CNKSR3: variants seen among roughly 807,000 people sequenced by gnomAD.
CNKSR3 encodes CNKSR family member 3, also known as connector enhancer of kinase suppressor of ras 3.
CNKSR3 carries 36 observed loss-of-function variants against 67.7 expected under a neutral mutation model. The observed-to-expected ratio is 0.53, with a 90% confidence interval of 0.41 to 0.70. The LOEUF is 0.70. Ranked by LOEUF, CNKSR3 falls within the 30% of genes least tolerant of loss-of-function variation. The probability of loss-of-function intolerance (pLI) is 0.00; values close to 1 mark genes in which losing one functional copy is unlikely to be tolerated. For missense variants in CNKSR3, 630 were observed against 695.2 expected (o/e 0.91, Z 1.05); for synonymous variants, 281 against 271.4 (o/e 1.04, Z -0.35).
chr6:154,495,436 A>C (rs1786858135), intron 1 of CNKSR3, among the ~76,000 whole-genome samples: 2 of 149,022 alleles, frequency 1.3e-5, no homozygotes, highest in Admixed American at 6.7e-5. Context: ...TGGTGTGATC[A>C]TAGCTCACTG....
rs373730129 is a variant in CNKSR3 at position 154,437,410 on chromosome 6, C to T, written c.507+3882G>A. ...CACCATTTGGCAAAGCACCTATGTT[C>T]TTTTTTTTTTTTTTTTTTTTTGAGA... is the stretch of plus-strand genomic sequence containing the variant. On this transcript the variant is annotated intron_variant, in intron 4 of 12. Transcript: ENST00000607772. 8.4e-3 allele frequency among the ~76,000 whole-genome samples: 856 copies of T among 102,160 alleles called. 9 individuals carry two copies. The highest frequency in any genetic ancestry group is 0.03 in the African/African-American group (794 of 26,754). 67.0% of individuals were successfully genotyped at this position (102,160 alleles called of 152,430 possible).
intron 7 of CNKSR3, among the ~76,000 whole-genome samples, chr6:154,427,623 C>T (rs1414829463): frequency 1.3e-5 from 2 of 152,152 alleles, no homozygotes; most frequent in African/African-American, 2.4e-5. Context: ...AACAGACCTG[C>T]TTTTCCTATT....
chr6:154,428,480 G>A lies in CNKSR3; in HGVS notation c.670-293C>T, dbSNP rs77042130. On this transcript the variant is annotated intron_variant, in intron 6 of 12. Coordinates refer to ENST00000607772, the MANE Select transcript of CNKSR3 (RefSeq NM_173515.4). The stretch of plus-strand genomic sequence containing the variant: ...ATGTGGGAGTGTTCTTAGACCTACA[G>A]GATGAGTGAATGAGTGAGGCACTTC... Among the ~76,000 whole-genome samples the A allele has an allele frequency of 5.7e-3, 863 of 152,258 alleles. 9 individuals carry two copies. The highest frequency in any genetic ancestry group is 0.019 in the African/African-American group (810 of 41,552).
chr6:154,433,549 T>G (rs945920443), intron 4 of CNKSR3, 42 bp from the exon 5 acceptor site: 10 of 1,464,296 alleles, frequency 6.8e-6, no homozygotes, highest in Non-Finnish European at 7.6e-6. Flanking sequence ...AGTACAAGAG[T>G]TAAAAACGTT....
chr6:154,450,247 A>C lies in CNKSR3; in HGVS notation c.64T>G (p.Cys22Gly). ...VVDWTRGLDD[C>G]LQQYVHKFER... Reference sequence around the variant, plus strand: ...AACTTGTGGACATATTGTTGCAGGCAGTCATCCAACCCTGCCAAAAACAAT... The same window carrying C: ...AACTTGTGGACATATTGTTGCAGGCCGTCATCCAACCCTGCCAAAAACAAT... The change falls in exon 2 of 13, where the codon TGC becomes GGC. Residue 22 changes from cysteine to glycine, a missense_variant. This residue lies in a region of CNKSR3 where 189 missense variants were observed against 205.0 expected (regional missense o/e 0.92). Coordinates refer to ENST00000607772, the MANE Select transcript of CNKSR3 (RefSeq NM_173515.4). 6.2e-7 allele frequency: 1 copy of C among 1,614,072 alleles called. No individual in the cohort carries two copies. The highest frequency in any genetic ancestry group is 8.5e-7 in the Non-Finnish European group (1 of 1,179,982).
intron 1 of CNKSR3, among the ~76,000 whole-genome samples, chr6:154,486,289 C>CTTTTTT (rs1480566559): frequency 2.0e-5 from 3 of 149,868 alleles, no homozygotes; most frequent in African/African-American, 7.5e-5. Context: ...TTTTCTCTCT[C>CTTTTTT]TCTCTTTTTC....
chr6:154,451,653 G>A (rs1785835891), intron 1 of CNKSR3, among the ~76,000 whole-genome samples: 1 of 152,176 alleles, frequency 6.6e-6, no homozygotes. Context: ...TAAAGTCTAT[G>A]GATATTATAA....
At chr6:154,411,749 T>A (rs1368766804) in intron 10 of CNKSR3, among the ~76,000 whole-genome samples, 1 of 151,956 alleles carries the variant, frequency 6.6e-6, no homozygotes, top group Non-Finnish European at 1.5e-5. Flanking sequence ...TAGCTGAATA[T>A]CCTATTTACT....
intron 12 of CNKSR3, among the ~76,000 whole-genome samples, chr6:154,407,665 C>T (rs985360778): frequency 6.6e-5 from 10 of 151,916 alleles, no homozygotes; most frequent in Non-Finnish European, 1.5e-4. Flanking sequence ...CACACCCAGC[C>T]GGTCTCGAAA....
intron 1 of CNKSR3, among the ~76,000 whole-genome samples, chr6:154,457,324 G>A (rs569143134): frequency 2.0e-5 from 3 of 152,230 alleles, no homozygotes; most frequent in African/African-American, 4.8e-5. Flanking sequence ...TTCTTCTGTC[G>A]CTCGTTTTGT....
rs1784643454 is a variant in CNKSR3, at chr6:154,394,919, T to C, written c.*11435A>G. On this transcript the variant is annotated 3_prime_UTR_variant, in exon 13 of 13. Transcript: ENST00000607772. ...ATACCTCCAATGGCCAAATACATTT[T>C]CTTTCGTCACAGGAACTAAAGGAAA... 1 of 152,220 alleles carries C rather than the reference T, an allele frequency of 6.6e-6. No homozygotes were observed. Among genetic ancestry groups the C allele is most frequent in the Non-Finnish European group, 1.5e-5 (1 of 68,056 alleles). 9.4% of individuals were successfully genotyped at this position (152,220 alleles called of 1,614,324 possible).
rs1019031079 is a variant in CNKSR3 at position 154,395,696 on chromosome 6, T to A, written c.*10658A>T. 2.6e-5 allele frequency: 4 copies of A among 152,228 alleles called. No individual in the cohort carries two copies. The highest frequency in any genetic ancestry group is 6.5e-5 in the Admixed American group (1 of 15,276). 9.4% of individuals were successfully genotyped at this position (152,228 alleles called of 1,614,324 possible). ...CTCAACCCCTTGGGATGAAGGTTCT[T>A]AGTAATATTTCACTATTTAGTCTAC... On this transcript the variant is annotated 3_prime_UTR_variant, in exon 13 of 13. Coordinates refer to ENST00000607772, the MANE Select transcript of CNKSR3 (RefSeq NM_173515.4).
chr6:154,449,571 C>T (rs188020183), intron 2 of CNKSR3, among the ~76,000 whole-genome samples: 1 of 152,352 alleles, frequency 6.6e-6, no homozygotes, highest in Admixed American at 6.5e-5. Context: ...GCAATCCACC[C>T]GCCTCGGCCT....
intron 1 of CNKSR3, among the ~76,000 whole-genome samples, chr6:154,479,443 G>A (rs1455987885): frequency 1.3e-5 from 2 of 152,078 alleles, no homozygotes; most frequent in Non-Finnish European, 2.9e-5. Context: ...CTAAACTAGA[G>A]CTCCAAAACT....
chr6:154,436,511 T>C (rs73574928), intron 4 of CNKSR3, among the ~76,000 whole-genome samples: 3,857 of 152,296 alleles, frequency 0.025, 170 homozygotes, highest in African/African-American at 0.089. Context: ...TTGCTCATTT[T>C]CCTAATTCTT....
intron 1 of CNKSR3, among the ~76,000 whole-genome samples, chr6:154,496,643 A>T (rs1786884822): frequency 6.6e-6 from 1 of 152,212 alleles, no homozygotes; most frequent in South Asian, 2.1e-4. Context: ...AAAAACATGA[A>T]GGGACTACCC....
intron 7 of CNKSR3, 56 bp downstream of exon 7, chr6:154,428,072 G>T (rs1016415453): frequency 8.8e-7 from 1 of 1,132,508 alleles, no homozygotes; most frequent in Non-Finnish European, 1.3e-6. Context: ...TAGAGACTGT[G>T]GATCAAATCT....
chr6:154,397,788 A>G lies in CNKSR3; in HGVS notation c.*8566T>C, dbSNP rs1784676361. On this transcript the variant is annotated 3_prime_UTR_variant, in exon 13 of 13. Coordinates refer to ENST00000607772, the MANE Select transcript of CNKSR3 (RefSeq NM_173515.4). ...GTGAGATGCACAGGGCAGACAGTAC[A>G]GCCTGCAACTGTGATGGAATTAACA... is the stretch of plus-strand genomic sequence containing the variant. 2.0e-5 allele frequency: 3 copies of G among 152,112 alleles called. No homozygotes were observed. The highest frequency in any genetic ancestry group is 1.3e-4 in the Admixed American group (2 of 15,262). 9.4% of individuals were successfully genotyped at this position (152,112 alleles called of 1,614,324 possible).
chr6:154,468,158 C>A (rs1303524982), intron 1 of CNKSR3, among the ~76,000 whole-genome samples: 2 of 148,690 alleles, frequency 1.3e-5, no homozygotes, highest in African/African-American at 2.5e-5. Context: ...CTCACTGCAG[C>A]CTCCACCTCT....
Sources: allele counts gnomAD v4.1 joint callset (sites outside exome capture counted in the v4.1 genomes callset), GRCh38; gene constraint gnomAD v4.1.1; regional missense constraint gnomAD v4.1.1; transcripts MANE v1.5; gene names NCBI Gene and HGNC (gene_info 2026-07-23, HGNC 2026-07-21).